Variants in C12orf42 observed in about 807,000 individuals in gnomAD.
The protein encoded by C12orf42 is uncharacterized protein C12orf42.
In C12orf42, 25 loss-of-function variants were observed where a neutral mutation model predicts 21.6. The ratio of observed to expected loss-of-function variants is 1.16; its 90% CI spans 0.84 to 1.62. The LOEUF is 1.62. Among genes scored for constraint, C12orf42 ranks in the 40% most tolerant of loss-of-function variants. The probability of loss-of-function intolerance (pLI) is 0.00; values close to 1 mark genes in which losing one functional copy is unlikely to be tolerated. For missense variants in C12orf42, 483 were observed against 459.3 expected (o/e 1.05, Z -0.47); for synonymous variants, 174 against 175.0 (o/e 0.99, Z 0.05).
At chr12:103,186,272 A>T in the C12orf42 span, among the ~76,000 whole-genome samples, 1 of 152,200 alleles carries the variant, frequency 6.6e-6, no homozygotes, top group African/African-American at 2.4e-5. Flanking sequence ...GGTTCCATAA[A>T]GTTCATCCAG....
At chr12:103,134,895 C>T in the C12orf42 span, among the ~76,000 whole-genome samples, 2 of 152,108 alleles carry the variant, frequency 1.3e-5, no homozygotes, top group African/African-American at 4.8e-5. Flanking sequence ...AGGACACCCC[C>T]ATCATGCTAA....
At chr12:103,409,506 G>T (rs1200944880) in intron 2 of C12orf42, among the ~76,000 whole-genome samples, 1 of 152,098 alleles carries the variant, frequency 6.6e-6, no homozygotes. Flanking sequence ...GCAAGGGGGA[G>T]GACAGGAGAC....
chr12:103,277,705 C>T (rs1023463787), intron 4 of C12orf42, among the ~76,000 whole-genome samples: 1 of 151,904 alleles, frequency 6.6e-6, no homozygotes, highest in Non-Finnish European at 1.5e-5. Flanking sequence ...ACCCAAGCTC[C>T]ACCTCCCGGG....
At chr12:103,144,686 T>TG in the C12orf42 span, among the ~76,000 whole-genome samples, 1 of 152,154 alleles carries the variant, frequency 6.6e-6, no homozygotes, top group Non-Finnish European at 1.5e-5. Context: ...ATAATCTTGA[T>TG]GGGGGGAGGA....
At chr12:103,067,287 T>C in the C12orf42 span, among the ~76,000 whole-genome samples, 1 of 152,234 alleles carries the variant, frequency 6.6e-6, no homozygotes, top group Non-Finnish European at 1.5e-5. Flanking sequence ...ACTGTCATGG[T>C]ATTCCACATA....
Position 103,302,112 on chromosome 12 carries a change from T to C in C12orf42, c.1079A>G (p.His360Arg), listed in dbSNP as rs747560724. Residue 360 changes from histidine to arginine, a missense_variant, in exon 6 of 6, where the codon CAT becomes CGT. His to Arg is a conservative substitution (Grantham distance 29, BLOSUM62 0). Transcript: ENST00000548883. The stretch of plus-strand genomic sequence containing the variant: ...CGAACAATTCCCTCGCAGCGGTCAA[T>C]GTAAGTGAGCATTCACCACCGGCCT... ...LSRPVVNAHL[H>R] 6.2e-7 allele frequency: 1 copy of C among 1,611,026 alleles called. No homozygotes were observed. Among genetic ancestry groups the C allele is most frequent in the African/African-American group, 1.3e-5 (1 of 74,790 alleles).
intron 2 of C12orf42, among the ~76,000 whole-genome samples, chr12:103,443,350 A>C (rs568741508): frequency 6.6e-6 from 1 of 152,164 alleles, no homozygotes; most frequent in East Asian, 1.9e-4. Context: ...ATATCCAGTG[A>C]CCTTCTAAGC....
intron 3 of C12orf42, among the ~76,000 whole-genome samples, chr12:103,381,741 C>G (rs1449139138): frequency 6.6e-6 from 1 of 152,076 alleles, no homozygotes; most frequent in Non-Finnish European, 1.5e-5. Context: ...CATGGTGAAA[C>G]CCCGTCTCTA....
At chr12:103,492,020 G>A (rs370775273) in intron 1 of C12orf42, among the ~76,000 whole-genome samples, 1 of 152,076 alleles carries the variant, frequency 6.6e-6, no homozygotes, top group Non-Finnish European at 1.5e-5. Context: ...GCAGTGGCAC[G>A]ATCTCAGCTC....
chr12:103,310,669 G>C (rs1257826975), intron 4 of C12orf42, among the ~76,000 whole-genome samples: 1 of 152,168 alleles, frequency 6.6e-6, no homozygotes, highest in Admixed American at 6.5e-5. Context: ...AGAACAGTGG[G>C]AATGCATTTG....
Position 103,478,420 on chromosome 12 carries a change from T to G in C12orf42, c.7A>C (p.Thr3Pro), listed in dbSNP as rs1278014195. The change falls in exon 2 of 6, where the codon ACA becomes CCA. Residue 3 changes from threonine to proline, a missense_variant. Thr to Pro is a conservative substitution (Grantham distance 38, BLOSUM62 -1). Transcript: ENST00000548883. ...TCCCTTTGTTTCATACATATCACTGTAGACATTAATTTGACAAGTTCAACT... is the reference window on the plus strand; with the variant it reads ...TCCCTTTGTTTCATACATATCACTGGAGACATTAATTTGACAAGTTCAACT... MS[T>P]VICMKQREEE... 6.3e-7 allele frequency: 1 copy of G among 1,582,220 alleles called. No homozygotes were observed. Among genetic ancestry groups the G allele is most frequent in the Non-Finnish European group, 8.6e-7 (1 of 1,160,582 alleles).
At chr12:103,153,108 A>G in the C12orf42 span, among the ~76,000 whole-genome samples, 1 of 152,208 alleles carries the variant, frequency 6.6e-6, no homozygotes, top group Non-Finnish European at 1.5e-5. Context: ...TTCTGTGTCT[A>G]TTAAATAGCA....
chr12:103,070,541 CA>C, the C12orf42 span, among the ~76,000 whole-genome samples: 167 of 104,024 alleles, frequency 1.6e-3, no homozygotes, highest in African/African-American at 2.8e-3. Context: ...CACACACACA[CA>C]CCCGACACAG....
At chr12:103,444,327 T>C (rs913014275) in intron 2 of C12orf42, among the ~76,000 whole-genome samples, 4 of 152,102 alleles carry the variant, frequency 2.6e-5, no homozygotes, top group Non-Finnish European at 5.9e-5. Context: ...CTTTCTTCTG[T>C]TATTTTTTAG....
At chr12:103,434,544 G>T (rs959204566) in intron 2 of C12orf42, among the ~76,000 whole-genome samples, 2 of 152,076 alleles carry the variant, frequency 1.3e-5, no homozygotes, top group Admixed American at 6.5e-5. Flanking sequence ...GTGGGTGCGC[G>T]TACCATGCAC....
chr12:103,126,570 GT>G, the C12orf42 span, among the ~76,000 whole-genome samples: 121 of 151,964 alleles, frequency 8.0e-4, no homozygotes, highest in African/African-American at 2.8e-3. Flanking sequence ...TACAATCAAT[GT>G]AATGGTTCAA....
chr12:103,136,334 C>T, the C12orf42 span, among the ~76,000 whole-genome samples: 1 of 151,894 alleles, frequency 6.6e-6, no homozygotes, highest in Admixed American at 6.5e-5. Context: ...TATAAAAAAC[C>T]TCCATAGAAA....
At chr12:103,063,369 G>A in the C12orf42 span, among the ~76,000 whole-genome samples, 2 of 152,152 alleles carry the variant, frequency 1.3e-5, no homozygotes. Context: ...CCCTCACCAG[G>A]TGTTTAGTAT....
intron 1 of C12orf42, among the ~76,000 whole-genome samples, chr12:103,489,260 C>T (rs1410134234): frequency 6.6e-6 from 1 of 152,206 alleles, no homozygotes; most frequent in East Asian, 1.9e-4. Flanking sequence ...CCCTGTTTGC[C>T]TGGGTATCAC....
Sources: allele counts gnomAD v4.1 joint callset (sites outside exome capture counted in the v4.1 genomes callset), GRCh38; gene constraint gnomAD v4.1.1; transcripts MANE v1.5; gene names NCBI Gene and HGNC (gene_info 2026-07-23, HGNC 2026-07-21).